The following ARMC10 variants were observed in gnomAD, a reference collection of about 807,000 sequenced individuals.
ARMC10 encodes the protein armadillo repeat-containing protein 10.
In ARMC10, 23 loss-of-function variants were observed where a neutral mutation model predicts 30.2. The ratio of observed to expected loss-of-function variants is 0.76; its 90% confidence interval spans 0.55 to 1.08. The LOEUF (loss-of-function observed/expected upper bound fraction) is 1.08. Ranked by LOEUF, ARMC10 falls within the 50% of genes least tolerant of loss-of-function variation. ARMC10 has a pLI of 0.00. For missense variants in ARMC10, 303 were observed against 413.7 expected, an observed-to-expected ratio of 0.73 and a Z score of 2.32; for synonymous variants, 111 against 164.4, an observed-to-expected ratio of 0.68 and a Z score of 2.48.
At chr7:103,092,853 C>G (rs996080094) in intron 5 of ARMC10, among the ~76,000 whole-genome samples, 200 bp downstream of exon 5, 4 of 152,174 alleles carry the variant, frequency 2.6e-5, no homozygotes, top group Admixed American at 6.5e-5. Context: ...TCAACAGATT[C>G]CTGTTCATTT....
intron 4 of ARMC10, 180 bp downstream of exon 4, chr7:103,086,944 T>G: frequency 6.8e-7 from 1 of 1,467,450 alleles, no homozygotes; most frequent in Non-Finnish European, 9.1e-7. Flanking sequence ...AGAGGTACAA[T>G]AAGACTTTTG....
intron 4 of ARMC10, among the ~76,000 whole-genome samples, chr7:103,091,002 T>G (rs560651308): frequency 2.0e-5 from 3 of 152,370 alleles, no homozygotes; most frequent in Middle Eastern, 3.4e-3. Context: ...AATTAATAAT[T>G]GTTTATGGGA....
chr7:103,098,304 T>A lies in ARMC10; in HGVS notation c.783T>A (p.Asp261Glu), dbSNP rs750026388. Residue 261 changes from aspartate (D) to glutamate (E), a missense_variant, in exon 7 of 7, where the codon GAT becomes GAA. Coordinates refer to ENST00000323716, the MANE Select transcript of ARMC10 (RefSeq NM_031905.5). ...MTEGLLRAQV[D>E]SSFLSLYDSH... ...CTCATTGTTTCATATTTCAGGTGGA[T>A]TCATCATTCCTTTCCCTTTATGACA... 1.5e-5 allele frequency: 23 copies of A among 1,519,808 alleles called. No individual in the cohort carries two copies. The East Asian group carries it at 5.4e-4, about 36-fold the overall frequency. The allele number at this position is 1,519,808 out of a possible 1,614,324, so 94.1% of individuals were successfully genotyped here.
chr7:103,077,861 T>C (rs889686036), intron 2 of ARMC10, among the ~76,000 whole-genome samples: 3 of 152,216 alleles, frequency 2.0e-5, no homozygotes, highest in African/African-American at 7.2e-5. Context: ...ATCATTATCT[T>C]AGGTAAGGCA....
intron 3 of ARMC10, among the ~76,000 whole-genome samples, chr7:103,085,170 T>A (rs541129710): frequency 8.0e-6 from 1 of 124,336 alleles, no homozygotes; most frequent in Non-Finnish European, 1.8e-5. Context: ...AGTAGGCCAG[T>A]ACCCACTGGA....
chr7:103,097,218 C>A, intron 5 of ARMC10, 59 bp from the exon 6 acceptor site: 2 of 1,385,538 alleles, frequency 1.4e-6, no homozygotes, highest in Non-Finnish European at 2.1e-6. Context: ...GAACAGCATG[C>A]CTGAGAGAGA....
intron 3 of ARMC10, among the ~76,000 whole-genome samples, chr7:103,085,915 C>T (rs116405664): frequency 0.017 from 2,515 of 152,168 alleles, 74 homozygotes; most frequent in African/African-American, 0.056. Context: ...GCGCCTGGCC[C>T]TGGGTACCAT....
At position 103,095,156 on chromosome 7, in the gene ARMC10, A is replaced by G. The variant is rs112085980; in HGVS notation, c.706-2121A>G. On this transcript the variant is annotated intron_variant, in intron 5 of 6. Transcript: ENST00000323716. ...CACTCTGTTGCCCAGGCTAGATTGC[A>G]GTGGCATGATCTCTGCTCACTGCAG... Among the ~76,000 whole-genome samples the G allele has an allele frequency of 4.4e-3, 667 of 152,338 alleles. 2 individuals are homozygous for G. The highest frequency in any genetic ancestry group is 0.015 in the African/African-American group (628 of 41,570).
intron 2 of ARMC10, among the ~76,000 whole-genome samples, chr7:103,080,623 T>TTTTA (rs1800298546): frequency 6.6e-6 from 1 of 151,158 alleles, no homozygotes; most frequent in Non-Finnish European, 1.5e-5. Context: ...TTATTTTATT[T>TTTTA]TTTATTTATT....
In ARMC10 at chr7:103,085,643, A is replaced by G. The variant is rs373270109; in HGVS notation, c.394-987A>G. Among the ~76,000 whole-genome samples, 8 of 140,244 alleles carry G rather than the reference A, an allele frequency of 5.7e-5. No homozygotes were observed. The South Asian group carries it at 1.5e-3, about 27-fold the overall frequency. The allele number at this position is 140,244 out of a possible 152,430, so 92.0% of individuals were successfully genotyped here. ...TTTTTTTTTCTTTTTTTTGTGGCAGAGTCTCACTCTGTTGCACGGGCTGGA... is the reference window on the plus strand; with the variant it reads ...TTTTTTTTTCTTTTTTTTGTGGCAGGGTCTCACTCTGTTGCACGGGCTGGA... On this transcript the variant is annotated intron_variant, in intron 3 of 6. Coordinates refer to ENST00000323716, the MANE Select transcript of ARMC10 (RefSeq NM_031905.5).
intron 2 of ARMC10, 87 bp downstream of exon 2, chr7:103,075,968 T>C (rs62482903): frequency 0.055 from 55,477 of 1,016,058 alleles, 1,869 homozygotes; most frequent in Non-Finnish European, 0.066. Flanking sequence ...TGTCCAAAAG[T>C]TGATCGGTAC....
chr7:103,092,480 T>C lies in ARMC10; in HGVS notation c.532T>C (p.Tyr178His), dbSNP rs1438863072. Reference sequence around the variant, plus strand: ...CATTTTCCTCCCCTGCCTTCAGATATACATCAGTCAAGTATGTGAGGATGT... The same window carrying C: ...CATTTTCCTCCCCTGCCTTCAGATACACATCAGTCAAGTATGTGAGGATGT... ...NVENQIKIKI[Y>H]ISQVCEDVFS... The change falls in exon 5 of 7, where the codon TAC becomes CAC. Residue 178 changes from tyrosine to histidine, a missense_variant. Tyr to His is a moderately conservative substitution (Grantham distance 83). Around this residue, in one of 4 missense-constraint regions of ARMC10, gnomAD observed 170 missense variants for 207.2 expected, o/e 0.82. Transcript: ENST00000323716. 8 of 1,573,354 alleles carry C rather than the reference T, an allele frequency of 5.1e-6. No individual in the cohort carries two copies. The highest frequency in any genetic ancestry group is 1.1e-5 in the South Asian group (1 of 88,128).
At chr7:103,087,388 A>G (rs1247296516) in intron 4 of ARMC10, among the ~76,000 whole-genome samples, 1 of 152,204 alleles carries the variant, frequency 6.6e-6, no homozygotes, top group Non-Finnish European at 1.5e-5. Flanking sequence ...AACCTACGTT[A>G]CTGACATTGC....
chr7:103,081,991 G>C (rs1445865022), intron 2 of ARMC10: 1 of 449,706 alleles, frequency 2.2e-6, no homozygotes, highest in East Asian at 7.0e-5. Flanking sequence ...GCAGATCCTT[G>C]AACAATCCTG....
rs1246686399 is a variant in ARMC10 at position 103,086,727 on chromosome 7, A to C, written c.491A>C (p.Asn164Thr). The change falls in exon 4 of 7, where the codon AAC becomes ACC. Residue 164 changes from asparagine (N) to threonine (T), a missense_variant. Around this residue, in one of 4 missense-constraint regions of ARMC10, gnomAD observed 170 missense variants for 207.2 expected, o/e 0.82. Coordinates refer to ENST00000323716, the MANE Select transcript of ARMC10 (RefSeq NM_031905.5). ...IKEKALNALN[N>T]LSVNVENQIK... ...GAGAAAGCTTTAAATGCACTAAATAACCTGAGTGTGAATGTTGAAAATCAA... is the reference window on the plus strand; with the variant it reads ...GAGAAAGCTTTAAATGCACTAAATACCCTGAGTGTGAATGTTGAAAATCAA... 6.3e-7 allele frequency: 1 copy of C among 1,590,360 alleles called. No homozygotes were observed. Among genetic ancestry groups the C allele is most frequent in the Non-Finnish European group, 8.5e-7 (1 of 1,174,138 alleles).
chr7:103,097,040 T>C (rs1801813605), intron 5 of ARMC10: 1 of 515,572 alleles, frequency 1.9e-6, no homozygotes, highest in East Asian at 2.9e-5. Flanking sequence ...AAATGAGGTT[T>C]AAATAACACT....
intron 2 of ARMC10, among the ~76,000 whole-genome samples, chr7:103,079,870 G>A (rs1800224151): frequency 6.6e-6 from 1 of 152,212 alleles, no homozygotes; most frequent in Non-Finnish European, 1.5e-5. Flanking sequence ...TTCCTGTAGT[G>A]AGAAGATAAT....
In ARMC10 at chr7:103,098,613, T is replaced by G; in HGVS notation, c.*60T>G. The G allele has an allele frequency of 6.7e-7, 1 of 1,496,012 alleles. No homozygotes were observed. The highest frequency in any genetic ancestry group is 1.4e-5 in the African/African-American group (1 of 71,402). 92.7% of individuals were successfully genotyped at this position (1,496,012 alleles called of 1,614,324 possible). ...GATATAAACGTATTTTCTGTCTTCC[T>G]TATAAGGGGATTCTCCCAGCTGCTA... On this transcript the variant is annotated 3_prime_UTR_variant, in exon 7 of 7. Transcript: ENST00000323716.
chr7:103,092,330 C>CCA, intron 4 of ARMC10, 147 bp from the exon 5 acceptor site: 1 of 231,904 alleles, frequency 4.3e-6, no homozygotes, highest in South Asian at 1.7e-4. Context: ...GACTCCGTCT[C>CCA]AAAAAAAAAA....
Sources: gnomAD v4.1 joint callset for allele counts (sites outside exome capture counted in the v4.1 genomes callset) on GRCh38, gnomAD v4.1.1 for gene constraint, gnomAD v4.1.1 regional missense constraint, MANE v1.5 for transcripts, NCBI Gene and HGNC (gene_info 2026-07-23, HGNC 2026-07-21) for gene names.